The following AK7 variants were observed in gnomAD, a reference collection of about 807,000 sequenced individuals.
AK7 encodes ATP-AMP transphosphorylase 7.
In AK7, 78 loss-of-function variants were observed where a neutral mutation model predicts 96.6. The observed-to-expected ratio is 0.81, with a 90% CI of 0.67 to 0.97. The LOEUF (loss-of-function observed/expected upper bound fraction) is 0.97. Among genes scored for constraint, AK7 ranks in the 50% least tolerant of loss-of-function variants. AK7 has a pLI of 0.00. For missense variants in AK7, 855 were observed against 887.9 expected, an observed-to-expected ratio of 0.96 and a Z score of 0.47; for synonymous variants, 302 against 317.2, an observed-to-expected ratio of 0.95 and a Z score of 0.51.
chr14:96,427,809 CTTTT>C (rs927816502), intron 5 of AK7, among the ~76,000 whole-genome samples: 1 of 151,848 alleles, frequency 6.6e-6, no homozygotes, highest in Non-Finnish European at 1.5e-5. Flanking sequence ...CATTGTTTTT[CTTTT>C]TTTGTCTCCT....
At chr14:96,488,089 T>G in intron 17 of AK7, 1 of 428,098 alleles carries the variant, frequency 2.3e-6, no homozygotes, top group Non-Finnish European at 4.4e-6. Context: ...ATGTTTTGTA[T>G]TTTAGTAGAG....
intron 4 of AK7, among the ~76,000 whole-genome samples, 180 bp downstream of exon 4, chr14:96,409,121 G>T (rs1890893284): frequency 6.6e-6 from 1 of 152,108 alleles, no homozygotes; most frequent in Admixed American, 6.6e-5. Flanking sequence ...GGATTTCATT[G>T]TTTTATATGC....
At chr14:96,453,682 T>G (rs1305335178) in intron 10 of AK7, among the ~76,000 whole-genome samples, 8 of 152,158 alleles carry the variant, frequency 5.3e-5, no homozygotes, top group Non-Finnish European at 5.9e-5. Context: ...TCCATCTGCT[T>G]GAAGGGAGTA....
In AK7 at chr14:96,411,118, T is replaced by G. The variant is rs953105314; in HGVS notation, c.498+2177T>G. Among the ~76,000 whole-genome samples, 7 of 152,330 alleles carry G rather than the reference T, an allele frequency of 4.6e-5. No homozygotes were observed. The South Asian group carries it at 1.4e-3, about 32-fold the overall frequency. Reference sequence around the variant, plus strand: ...ACAACAATTAGGATACAGAACACTTTCATCACTTTCCAAAATTCTCTACCT... The same window carrying G: ...ACAACAATTAGGATACAGAACACTTGCATCACTTTCCAAAATTCTCTACCT... On this transcript the variant is annotated intron_variant, in intron 4 of 17. Transcript: ENST00000267584.
rs753543479 is a variant in AK7, at chr14:96,442,941, C to T, written c.779+123C>T. The T allele has an allele frequency of 3.7e-4, 312 of 843,248 alleles. 1 individual carries two copies. Among genetic ancestry groups the T allele is most frequent in the South Asian group, 7.6e-4 (49 of 64,446 alleles). 52.2% of individuals were successfully genotyped at this position (843,248 alleles called of 1,614,324 possible). A position where few individuals can be genotyped will look rare whatever the true frequency, so the allele number is the denominator to read the frequency against. On this transcript the variant is annotated intron_variant, in intron 7 of 17. Coordinates refer to ENST00000267584, the MANE Select transcript of AK7 (RefSeq NM_152327.5). ...TACATGGATTATTGTGTTCATTCTT[C>T]GTAACAACCCTATGCAGAAGGTACC...
Position 96,398,057 on chromosome 14 carries a change from A to G in AK7, c.106-18A>G. ...CTAATTTTCTCTTACCATTTGGGAA[A>G]TTTCTGTTTCCTTGCAGTTTCTATC... On this transcript the variant is annotated intron_variant, in intron 1 of 17. Transcript: ENST00000267584. The G allele has an allele frequency of 6.2e-7, 1 of 1,607,002 alleles. No individual in the cohort carries two copies. The highest frequency in any genetic ancestry group is 1.1e-5 in the South Asian group (1 of 90,522).
At chr14:96,426,859 A>G (rs1009302171) in intron 5 of AK7, among the ~76,000 whole-genome samples, 7 of 151,974 alleles carry the variant, frequency 4.6e-5, no homozygotes, top group African/African-American at 1.2e-4. Flanking sequence ...TACCTTTGCA[A>G]GTTTGATTAT....
intron 7 of AK7, 25 bp downstream of exon 7, chr14:96,442,843 C>T (rs1186573487): frequency 3.8e-6 from 6 of 1,594,784 alleles, no homozygotes; most frequent in Non-Finnish European, 5.2e-6. Flanking sequence ...AGAGACGTGA[C>T]CTTCACAGAA....
At chr14:96,430,796 T>A (rs4491437) in intron 5 of AK7, among the ~76,000 whole-genome samples, 10,672 of 152,226 alleles carry the variant, frequency 0.07, 1,298 homozygotes, top group African/African-American at 0.24. Context: ...ATAAAATGAG[T>A]TAGGGAGGAT....
In AK7 at chr14:96,486,383, G is replaced by A. The variant is rs183162330; in HGVS notation, c.1975-515G>A. 1.8e-4 allele frequency among the ~76,000 whole-genome samples: 27 copies of A among 152,272 alleles called. 1 individual carries two copies. The highest frequency in any genetic ancestry group is 1.0e-3 in the Admixed American group (16 of 15,298). On this transcript the variant is annotated intron_variant, in intron 16 of 17. Coordinates refer to ENST00000267584, the MANE Select transcript of AK7 (RefSeq NM_152327.5). ...TATTATTAGTCATGTATTTGTACTC[G>A]TACTGTTTACAATTTAGGTATTGTA...
intron 15 of AK7, 21 bp from the exon 16 acceptor site, chr14:96,482,978 T>A (rs370140077): frequency 1.7e-4 from 282 of 1,612,056 alleles, no homozygotes; most frequent in Non-Finnish European, 2.4e-4. Context: ...TATGTGTTGA[T>A]CTCTCTCCTG....
intron 7 of AK7, among the ~76,000 whole-genome samples, chr14:96,445,730 C>T (rs529794546): frequency 6.6e-6 from 1 of 152,090 alleles, no homozygotes; most frequent in South Asian, 2.1e-4. Flanking sequence ...ATGTGAACTG[C>T]ACATTTGGAA....
At chr14:96,427,648 T>G (rs1300854019) in intron 5 of AK7, among the ~76,000 whole-genome samples, 1 of 152,248 alleles carries the variant, frequency 6.6e-6, no homozygotes, top group African/African-American at 2.4e-5. Flanking sequence ...ACTTGGATTG[T>G]TGATATCTTT....
rs762104777 is a variant in AK7 at position 96,449,916 on chromosome 14, T to C, written c.948+37T>C. The C allele has an allele frequency of 2.0e-5, 28 of 1,391,666 alleles. No individual in the cohort carries two copies. In the South Asian group the frequency reaches 3.5e-4, roughly 18 times the overall value. The allele number at this position is 1,391,666 out of a possible 1,614,324, so 86.2% of individuals were successfully genotyped here. On this transcript the variant is annotated intron_variant, in intron 9 of 17. Coordinates refer to ENST00000267584, the MANE Select transcript of AK7 (RefSeq NM_152327.5). ...CGGTGTTTTTTTTTTTTTAACTATC[T>C]TTCTCAATAATATGGAGTATTGTTA...
At chr14:96,401,960 C>G (rs2139989358) in intron 2 of AK7, among the ~76,000 whole-genome samples, 1 of 152,320 alleles carries the variant, frequency 6.6e-6, no homozygotes, top group Middle Eastern at 3.4e-3. Context: ...GCACACTGTA[C>G]AAGAGTGCCT....
In AK7 at chr14:96,456,395, A is replaced by G. The variant is rs759782497; in HGVS notation, c.1147A>G (p.Ile383Val). Residue 383 changes from isoleucine (I) to valine (V), a missense_variant, in exon 11 of 18, where the codon ATT becomes GTT. Transcript: ENST00000267584. The part of the protein sequence containing the change: ...LGPPAVGKSS[I>V]AKELANYYKL... ...TCCCCCTGCTGTGGGAAAATCCAGT[A>G]TTGCTAAAGAATTGGCCAACTACTA... 1 of 1,613,924 alleles carries G rather than the reference A, an allele frequency of 6.2e-7. No individual in the cohort carries two copies. Among genetic ancestry groups the G allele is most frequent in the Non-Finnish European group, 8.5e-7 (1 of 1,179,860 alleles).
rs191949394 is a variant in AK7 at position 96,408,463 on chromosome 14, T to C, written c.404-384T>C. On this transcript the variant is annotated intron_variant, in intron 3 of 17. Transcript: ENST00000267584. ...CCATGAGTTGTTCTAATAAGGATCC[T>C]ATGATCCTTACTGTCACCAGCCCTC... 3.0e-4 allele frequency among the ~76,000 whole-genome samples: 46 copies of C among 152,364 alleles called. No homozygotes were observed. The East Asian group carries it at 8.5e-3, about 28-fold the overall frequency.
intron 5 of AK7, among the ~76,000 whole-genome samples, chr14:96,430,204 G>A (rs1265284441): frequency 2.8e-5 from 2 of 70,234 alleles, no homozygotes; most frequent in Non-Finnish European, 5.8e-5. Flanking sequence ...TTTTTTTTTT[G>A]AGACGGAGTC....
chr14:96,470,296 G>A (rs1894814503), intron 12 of AK7, among the ~76,000 whole-genome samples: 1 of 151,770 alleles, frequency 6.6e-6, no homozygotes, highest in Admixed American at 6.6e-5. Context: ...TCACTGATAA[G>A]GTAAAAGAAT....
Sources: allele counts gnomAD v4.1 joint callset (sites outside exome capture counted in the v4.1 genomes callset), GRCh38; gene constraint gnomAD v4.1.1; transcripts MANE v1.5; gene names NCBI Gene and HGNC (gene_info 2026-07-23, HGNC 2026-07-21).